The following TENM3 variants were observed in gnomAD, a reference collection of about 807,000 sequenced individuals.
TENM3 encodes teneurin-3.
In TENM3, 63 loss-of-function variants were observed where a neutral mutation model predicts 255.1. The observed-to-expected ratio is 0.25, with a 90% CI of 0.20 to 0.30. The LOEUF (loss-of-function observed/expected upper bound fraction) is 0.30. TENM3 is among the 10% of genes least tolerant of loss of function. The pLI is 1.00. For synonymous variants in TENM3, 1,306 were observed against 1,322.3 expected (o/e 0.99, Z 0.27); for missense variants, 2,929 against 3,461.1 (o/e 0.85, Z 3.86).
At chr4:181,970,896 A>C in the TENM3 span, among the ~76,000 whole-genome samples, 4 of 152,316 alleles carry the variant, frequency 2.6e-5, no homozygotes, top group Middle Eastern at 0.014. Context: ...TGCAACTAGG[A>C]AAGATTTTTA....
intron 2 of TENM3, among the ~76,000 whole-genome samples, chr4:182,340,065 C>T (rs1010153111): frequency 6.6e-6 from 1 of 152,110 alleles, no homozygotes; most frequent in Admixed American, 6.6e-5. Flanking sequence ...TTATTTGGGC[C>T]ACCAAACCTT....
chr4:181,763,888 G>A, the TENM3 span, among the ~76,000 whole-genome samples: 4 of 152,160 alleles, frequency 2.6e-5, no homozygotes, highest in Admixed American at 6.5e-5. Flanking sequence ...TTTTATGAAC[G>A]CAGAGAGTGT....
At chr4:181,635,040 A>G in the TENM3 span, among the ~76,000 whole-genome samples, 2 of 152,276 alleles carry the variant, frequency 1.3e-5, no homozygotes, top group South Asian at 4.1e-4. Flanking sequence ...TGTGAGACCT[A>G]TCTCTGAAAA....
rs143019562 is a variant in TENM3 at position 182,724,599 on chromosome 4, A to G, written c.2369-4366A>G. ...GAAGGTGTCAATCTCATGCAGTTTT[A>G]TGACCTGCAGACTACATGCCAGATG... On this transcript the variant is annotated intron_variant, in intron 13 of 27. Transcript: ENST00000511685. Among the ~76,000 whole-genome samples, 926 of 152,342 alleles carry G rather than the reference A, an allele frequency of 6.1e-3. 9 individuals carry two copies. The highest frequency in any genetic ancestry group is 0.021 in the African/African-American group (869 of 41,576).
At chr4:181,956,241 C>T in the TENM3 span, among the ~76,000 whole-genome samples, 1 of 152,158 alleles carries the variant, frequency 6.6e-6, no homozygotes, top group Non-Finnish European at 1.5e-5. Context: ...GCTCCCAATA[C>T]CATCACCTTG....
the TENM3 span, among the ~76,000 whole-genome samples, chr4:182,026,431 A>T: frequency 2.0e-5 from 3 of 152,258 alleles, no homozygotes; most frequent in African/African-American, 7.2e-5. Flanking sequence ...CTTTATTGAT[A>T]GTTTCCTTTG....
At chr4:181,527,942 A>T in the TENM3 span, among the ~76,000 whole-genome samples, 1 of 152,110 alleles carries the variant, frequency 6.6e-6, no homozygotes, top group African/African-American at 2.4e-5. Flanking sequence ...TTAATGGCTG[A>T]ACAATACTCC....
chr4:182,769,159 G>A (rs1180138281), intron 22 of TENM3, among the ~76,000 whole-genome samples: 1 of 152,170 alleles, frequency 6.6e-6, no homozygotes, highest in African/African-American at 2.4e-5. Context: ...TCTAGTTGTT[G>A]GAAAGGTCTT....
At chr4:182,717,691 G>C (rs774890272) in intron 13 of TENM3, among the ~76,000 whole-genome samples, 1 of 152,198 alleles carries the variant, frequency 6.6e-6, no homozygotes, top group Admixed American at 6.5e-5. Context: ...AATGGGGCAC[G>C]TAGACACTTT....
chr4:182,549,816 A>T (rs1321533577), intron 3 of TENM3, among the ~76,000 whole-genome samples: 1 of 152,224 alleles, frequency 6.6e-6, no homozygotes, highest in Non-Finnish European at 1.5e-5. Flanking sequence ...GACAGATAGA[A>T]TAAGGGTTGT....
intron 1 of TENM3, among the ~76,000 whole-genome samples, chr4:182,270,983 A>C (rs1759581363): frequency 6.6e-6 from 1 of 152,198 alleles, no homozygotes; most frequent in African/African-American, 2.4e-5. Context: ...CACTGATAAT[A>C]GGTAGTATTT....
the TENM3 span, among the ~76,000 whole-genome samples, chr4:181,638,156 A>G: frequency 1.3e-5 from 2 of 152,244 alleles, no homozygotes; most frequent in Non-Finnish European, 2.9e-5. Context: ...AGACATGGTT[A>G]TCATTCTACT....
At chr4:181,448,037 AAGAG>A in the TENM3 span, among the ~76,000 whole-genome samples, 2 of 151,798 alleles carry the variant, frequency 1.3e-5, no homozygotes, top group Admixed American at 6.6e-5. Flanking sequence ...GAGACGGTGA[AAGAG>A]AGAGAGAAGG....
the TENM3 span, among the ~76,000 whole-genome samples, chr4:182,006,233 A>G: frequency 1.3e-5 from 2 of 152,000 alleles, no homozygotes; most frequent in Non-Finnish European, 2.9e-5. Flanking sequence ...ATTTTAAGAT[A>G]TGTCCCACCA....
chr4:182,129,065 G>A, the TENM3 span, among the ~76,000 whole-genome samples: 1 of 152,202 alleles, frequency 6.6e-6, no homozygotes, highest in African/African-American at 2.4e-5. Flanking sequence ...AACAAAGCAT[G>A]GGAAAAGGCG....
chr4:181,935,780 C>A, the TENM3 span, among the ~76,000 whole-genome samples: 8 of 152,140 alleles, frequency 5.3e-5, no homozygotes, highest in African/African-American at 1.9e-4. Context: ...TCCTCTGCAC[C>A]GATGCCTTTC....
the TENM3 span, among the ~76,000 whole-genome samples, chr4:181,626,058 A>G: frequency 6.6e-6 from 1 of 152,178 alleles, no homozygotes; most frequent in Non-Finnish European, 1.5e-5. Context: ...TGATAGAGAA[A>G]TAGGAAGCCA....
the TENM3 span, among the ~76,000 whole-genome samples, chr4:181,686,492 T>C: frequency 6.6e-6 from 1 of 152,132 alleles, no homozygotes; most frequent in East Asian, 1.9e-4. Context: ...AAGTTCCCCA[T>C]AGCCTTCTTT....
chr4:182,282,861 C>G (rs950528575), intron 1 of TENM3, among the ~76,000 whole-genome samples: 11 of 147,170 alleles, frequency 7.5e-5, no homozygotes, highest in African/African-American at 2.6e-4. Flanking sequence ...CCACTGCACT[C>G]CAGCCTGGGT....
Sources: gnomAD v4.1 joint callset for allele counts (sites outside exome capture counted in the v4.1 genomes callset) on GRCh38, gnomAD v4.1.1 for gene constraint, MANE v1.5 for transcripts, NCBI Gene and HGNC (gene_info 2026-07-23, HGNC 2026-07-21) for gene names.